Variants in ENPP2 observed in about 807,000 individuals in gnomAD.
The protein encoded by ENPP2 is autotaxin.
ENPP2 carries 51 observed loss-of-function variants against 120.2 expected under a neutral mutation model. That is an observed-to-expected ratio of 0.42 (90% confidence interval 0.34 to 0.54). The LOEUF is 0.54. Among genes scored for constraint, ENPP2 ranks in the 20% least tolerant of loss-of-function variants. The pLI is 0.04. For missense variants in ENPP2, 920 were observed against 1,066.5 expected, an observed-to-expected ratio of 0.86 and a Z score of 1.91; for synonymous variants, 365 against 366.4, an observed-to-expected ratio of 1.00 and a Z score of 0.04.
In ENPP2 at chr8:119,569,267, T is replaced by A. The variant is rs761700896; in HGVS notation, c.2021A>T (p.Lys674Met). Residue 674 changes from lysine (K) to methionine (M), a missense_variant, in exon 21 of 25, where the codon AAG becomes ATG. Lys to Met is a moderately conservative substitution (Grantham distance 95, BLOSUM62 -1). Coordinates refer to ENST00000075322, the MANE Select transcript of ENPP2 (RefSeq NM_001040092.3). The part of the protein sequence containing the change: ...SQNCLAYKND[K>M]QMSYGFLFPP... The stretch of plus-strand genomic sequence containing the variant: ...AAAGAGGAATCCGTAGGACATCTGC[T>A]TATCATTTTTGTAGGCCAAACAGTT... 1 of 1,614,066 alleles carries A rather than the reference T, an allele frequency of 6.2e-7. No individual in the cohort carries two copies.
At chr8:119,577,834 T>A (rs1466679522) in intron 19 of ENPP2, among the ~76,000 whole-genome samples, 6 of 152,152 alleles carry the variant, frequency 3.9e-5, no homozygotes, top group Admixed American at 2.0e-4. Context: ...GAGGGTTTGT[T>A]TCCATGAAAA....
upstream of ENPP2, among the ~76,000 whole-genome samples, chr8:119,642,679 G>A (rs541084835): frequency 1.3e-5 from 2 of 152,248 alleles, no homozygotes; most frequent in East Asian, 3.9e-4. Context: ...TCTTCCAGGG[G>A]ACTCATCTCC....
At chr8:119,667,303 C>T (rs777724571) in intron 1 of ENPP2, among the ~76,000 whole-genome samples, 9 of 152,208 alleles carry the variant, frequency 5.9e-5, no homozygotes, top group Non-Finnish European at 8.8e-5. Context: ...CCAAGAATTG[C>T]TATCAAGCCT....
chr8:119,573,114 A>G (rs968903212), intron 19 of ENPP2: 2 of 152,202 alleles, frequency 1.3e-5, no homozygotes, highest in African/African-American at 4.8e-5. Flanking sequence ...ATATCTTAAG[A>G]TTCATTTTCT....
intron 15 of ENPP2, among the ~76,000 whole-genome samples, chr8:119,584,701 C>T (rs1812987311): frequency 6.6e-6 from 1 of 152,074 alleles, no homozygotes; most frequent in African/African-American, 2.4e-5. Context: ...AAACAGAAAA[C>T]AGAAATACTG....
chr8:119,596,926 T>A (rs1207821031), intron 11 of ENPP2, among the ~76,000 whole-genome samples: 2 of 152,058 alleles, frequency 1.3e-5, no homozygotes, highest in African/African-American at 4.8e-5. Context: ...GGCCCCTGAT[T>A]TGCTGATGGT....
At chr8:119,584,486 T>C (rs1812970903) in intron 15 of ENPP2, among the ~76,000 whole-genome samples, 1 of 152,198 alleles carries the variant, frequency 6.6e-6, no homozygotes, top group Non-Finnish European at 1.5e-5. Flanking sequence ...ACCTATTATA[T>C]ACCCATAATA....
intron 1 of ENPP2, among the ~76,000 whole-genome samples, chr8:119,658,969 C>T (rs947545386): frequency 6.6e-6 from 1 of 152,160 alleles, no homozygotes; most frequent in Non-Finnish European, 1.5e-5. Flanking sequence ...TCAGTGGCAG[C>T]AGGGTTGCTG....
chr8:119,632,287 G>T (rs181770932), intron 2 of ENPP2, among the ~76,000 whole-genome samples: 1 of 152,138 alleles, frequency 6.6e-6, no homozygotes, highest in Non-Finnish European at 1.5e-5. Flanking sequence ...CCGTAACAGC[G>T]CAGAAAACAA....
intron 9 of ENPP2, 23 bp from the exon 10 acceptor site, chr8:119,601,485 G>C (rs746711718): frequency 1.2e-6 from 2 of 1,603,734 alleles, no homozygotes; most frequent in South Asian, 2.2e-5. Flanking sequence ...AGCAAGCAAA[G>C]CATGTTGTTA....
intron 11 of ENPP2, 48 bp from the exon 12 acceptor site, chr8:119,593,908 C>G: frequency 9.5e-7 from 1 of 1,052,090 alleles, no homozygotes; most frequent in Non-Finnish European, 1.5e-6. Flanking sequence ...CTTTCTTTCC[C>G]TTTCAGTCTC....
At chr8:119,565,522 C>T (rs978080195) in intron 22 of ENPP2, among the ~76,000 whole-genome samples, 24 of 152,330 alleles carry the variant, frequency 1.6e-4, no homozygotes, top group African/African-American at 4.6e-4. Flanking sequence ...CCCCAACCCT[C>T]GCCTTCTCCA....
At chr8:119,667,203 T>C (rs1818098426) in intron 1 of ENPP2, among the ~76,000 whole-genome samples, 1 of 152,158 alleles carries the variant, frequency 6.6e-6, no homozygotes, top group South Asian at 2.1e-4. Context: ...ATATGTGAAC[T>C]TTATACACAG....
At chr8:119,592,209 A>G (rs974751880) in intron 12 of ENPP2, among the ~76,000 whole-genome samples, 7 of 152,196 alleles carry the variant, frequency 4.6e-5, no homozygotes, top group African/African-American at 1.7e-4. Context: ...CCATCTTTTA[A>G]GAGAGAGGTG....
intron 1 of ENPP2, among the ~76,000 whole-genome samples, chr8:119,670,568 A>G (rs1818211112): frequency 6.6e-6 from 1 of 152,188 alleles, no homozygotes; most frequent in Admixed American, 6.5e-5. Context: ...GTAATAAAGA[A>G]TGGTAAGTGC....
At chr8:119,586,337 C>T in intron 14 of ENPP2, 24 bp from the exon 15 acceptor site, 2 of 1,611,002 alleles carry the variant, frequency 1.2e-6, no homozygotes, top group South Asian at 1.1e-5. Context: ...GGAAATCAGA[C>T]TTCAGATGGA....
intron 22 of ENPP2, among the ~76,000 whole-genome samples, chr8:119,565,999 C>T (rs1814395039): frequency 6.6e-6 from 1 of 152,186 alleles, no homozygotes; most frequent in Non-Finnish European, 1.5e-5. Flanking sequence ...ACTTCCTACC[C>T]CTTTCCCTAT....
At chr8:119,624,816 C>T (rs750063958) in intron 3 of ENPP2, among the ~76,000 whole-genome samples, 8 of 152,142 alleles carry the variant, frequency 5.3e-5, no homozygotes, top group African/African-American at 9.6e-5. Context: ...ATCAAAGTTT[C>T]GCTGAAACAT....
intron 9 of ENPP2, among the ~76,000 whole-genome samples, chr8:119,604,322 C>A (rs1290546060): frequency 6.6e-6 from 1 of 152,146 alleles, no homozygotes; most frequent in Non-Finnish European, 1.5e-5. Flanking sequence ...GCCACCACAC[C>A]CAGCCTCTAA....
Sources: allele counts gnomAD v4.1 joint callset (sites outside exome capture counted in the v4.1 genomes callset), GRCh38; gene constraint gnomAD v4.1.1; transcripts MANE v1.5; gene names NCBI Gene and HGNC (gene_info 2026-07-23, HGNC 2026-07-21).